NPHP1: variants seen among roughly 807,000 people sequenced by gnomAD.
NPHP1 encodes nephrocystin 1.
In NPHP1, 70 loss-of-function variants were observed where a neutral mutation model predicts 90.4. The observed-to-expected ratio is 0.77, with a 90% CI of 0.64 to 0.95. The LOEUF (loss-of-function observed/expected upper bound fraction) is 0.95. Among genes scored for constraint, NPHP1 ranks in the 40% least tolerant of loss-of-function variants. NPHP1 has a pLI of 0.00. For synonymous variants in NPHP1, 256 were observed against 271.7 expected (o/e 0.94, Z 0.57); for missense variants, 764 against 795.9 (o/e 0.96, Z 0.48).
chr2:110,193,413 C>T (rs151023916), intron 2 of NPHP1, among the ~76,000 whole-genome samples: 72,399 of 151,364 alleles, frequency 0.48, 20,229 homozygotes, highest in Non-Finnish European at 0.61. Context: ...ACAAAGAAGG[C>T]CATTACATAA....
At chr2:110,158,892 T>C (rs1438015163) in intron 11 of NPHP1, among the ~76,000 whole-genome samples, 1 of 150,282 alleles carries the variant, frequency 6.7e-6, no homozygotes, top group Non-Finnish European at 1.5e-5. Context: ...TTAAGTAAGA[T>C]AATGCTAGTT....
rs1248472353 is a variant in NPHP1 at position 110,179,654 on chromosome 2, T to G, written c.174A>C (p.Glu58Asp). 2 of 1,388,842 alleles carry G rather than the reference T, an allele frequency of 1.4e-6. No homozygotes were observed. Among genetic ancestry groups the G allele is most frequent in the South Asian group, 2.3e-5 (2 of 86,230 alleles). 86.0% of individuals were successfully genotyped at this position (1,388,842 alleles called of 1,614,324 possible). ...TTAATTTTTGAAGAGCATTTTTATT[T>G]TCATCTATTGCCTGCTTTAACTGGA... Reference protein sequence around the residue: ...RCIQLKQAIDENKNALQKLSK... With the variant: ...RCIQLKQAIDDNKNALQKLSK... Residue 58 changes from glutamate to aspartate, a missense_variant, in exon 3 of 20, where the codon GAA becomes GAC. Physicochemically the swap from Glu to Asp is conservative, Grantham distance 45. Coordinates refer to ENST00000445609, the MANE Select transcript of NPHP1 (RefSeq NM_001128178.3).
At chr2:110,190,211 C>T (rs1448489117) in intron 2 of NPHP1, among the ~76,000 whole-genome samples, 1 of 152,212 alleles carries the variant, frequency 6.6e-6, no homozygotes, top group Non-Finnish European at 1.5e-5. Flanking sequence ...GAGCTGCCTG[C>T]CAGTCCCACA....
Position 110,163,107 on chromosome 2 carries a change from G to GTA in NPHP1, c.798_799dup (p.Thr267IlefsTer45). The GTA allele has an allele frequency of 6.2e-7, 1 of 1,613,142 alleles. No individual in the cohort carries two copies. The highest frequency in any genetic ancestry group is 2.2e-5 in the East Asian group (1 of 44,870). Reference sequence around the variant, plus strand: ...GAACCCTGCAGGAATAGCTCCCATCGTAGTTAACACATCAACAGTGTTTAT... The same window carrying GTA: ...GAACCCTGCAGGAATAGCTCCCATCGTATAGTTAACACATCAACAGTGTTTAT... On this transcript the variant is annotated frameshift_variant, in exon 9 of 20. Coordinates refer to ENST00000445609, the MANE Select transcript of NPHP1 (RefSeq NM_001128178.3). LOFTEE classifies it high-confidence loss of function.
chr2:110,132,975 G>C (rs989566186), intron 16 of NPHP1, among the ~76,000 whole-genome samples: 79 of 152,084 alleles, frequency 5.2e-4, no homozygotes, highest in African/African-American at 1.8e-3. Context: ...AAGAAAATCA[G>C]TGAGGGAGGA....
rs544872762 is a variant in NPHP1 at position 110,136,558 on chromosome 2, G to A, written c.1530-4767C>T. Among the ~76,000 whole-genome samples, 13 of 152,172 alleles carry A rather than the reference G, an allele frequency of 8.5e-5. No homozygotes were observed. The East Asian group carries it at 2.5e-3, about 29-fold the overall frequency. On this transcript the variant is annotated intron_variant, in intron 16 of 19. Transcript: ENST00000445609. ...ACAAACAGAGAGCCAAATCATGAGT[G>A]AACTCCCATTCACAATTGCTACAAA...
intron 4 of NPHP1, among the ~76,000 whole-genome samples, chr2:110,176,757 C>G (rs1439906028): frequency 6.6e-6 from 1 of 152,150 alleles, no homozygotes; most frequent in Non-Finnish European, 1.5e-5. Flanking sequence ...GTGTCCTCTA[C>G]TAAATGCCTG....
intron 11 of NPHP1, 136 bp from the exon 12 acceptor site, chr2:110,150,392 T>C: frequency 1.3e-6 from 1 of 762,508 alleles, no homozygotes; most frequent in South Asian, 1.5e-5. Flanking sequence ...TTTTACTTCA[T>C]GTAATTCTGT....
At chr2:110,193,208 T>C (rs1034920502) in intron 2 of NPHP1, among the ~76,000 whole-genome samples, 1 of 151,984 alleles carries the variant, frequency 6.6e-6, no homozygotes, top group African/African-American at 2.4e-5. Flanking sequence ...AGACACAGAT[T>C]GGAAAATTGG....
intron 18 of NPHP1, chr2:110,128,320 G>A (rs1456452080): frequency 6.6e-6 from 1 of 151,844 alleles, no homozygotes; most frequent in African/African-American, 2.4e-5. Context: ...AAACCTTCCT[G>A]GGTTACCCAC....
chr2:110,126,271 T>C (rs1329199789), intron 18 of NPHP1: 1 of 161,552 alleles, frequency 6.2e-6, no homozygotes, highest in African/African-American at 2.4e-5. Flanking sequence ...GTGGGTGGAA[T>C]ATGACCAGTC....
chr2:110,148,128 G>A (rs527404570), intron 12 of NPHP1, 102 bp from the exon 13 acceptor site: 9 of 811,502 alleles, frequency 1.1e-5, no homozygotes, highest in Non-Finnish European at 1.9e-5. Flanking sequence ...ATGTTGAATT[G>A]TAATCCCAAT....
At chr2:110,134,099 A>T (rs1017209784) in intron 16 of NPHP1, among the ~76,000 whole-genome samples, 3 of 152,194 alleles carry the variant, frequency 2.0e-5, no homozygotes, top group East Asian at 3.9e-4. Context: ...GATGAACAAA[A>T]TTGACAAACC....
In NPHP1 at chr2:110,179,678, G is replaced by C. The variant is rs765357906; in HGVS notation, c.150C>G (p.Ile50Met). 1.5e-6 allele frequency: 2 copies of C among 1,306,634 alleles called. No homozygotes were observed. The highest frequency in any genetic ancestry group is 1.2e-5 in the South Asian group (1 of 84,052). The allele number at this position is 1,306,634 out of a possible 1,614,324, so 80.9% of individuals were successfully genotyped here. Residue 50 changes from isoleucine to methionine, a missense_variant, in exon 3 of 20, where the codon ATC becomes ATG. By Grantham distance (10) the Ile-to-Met change is conservative. Transcript: ENST00000445609. Reference sequence around the variant, plus strand: ...TTTCATCTATTGCCTGCTTTAACTGGATACATCTAAATTAAGAAAAAAAAG... The same window carrying C: ...TTTCATCTATTGCCTGCTTTAACTGCATACATCTAAATTAAGAAAAAAAAG... ...NKRQHIYQRCIQLKQAIDENK... is the reference protein window; with the variant it reads ...NKRQHIYQRCMQLKQAIDENK...
Position 110,189,416 on chromosome 2 carries a change from G to A in NPHP1, c.144-9732C>T, listed in dbSNP as rs552201214. Among the ~76,000 whole-genome samples, 13 of 152,122 alleles carry A rather than the reference G, an allele frequency of 8.5e-5. No individual in the cohort carries two copies. In the South Asian group the frequency reaches 2.7e-3, roughly 32 times the overall value. ...GGTGAGTGTTACAGCTCTTAAGGCGGCACGTCTGGAGTTGTTCATTCCTCC... is the reference window on the plus strand; with the variant it reads ...GGTGAGTGTTACAGCTCTTAAGGCGACACGTCTGGAGTTGTTCATTCCTCC... On this transcript the variant is annotated intron_variant, in intron 2 of 19. Coordinates refer to ENST00000445609, the MANE Select transcript of NPHP1 (RefSeq NM_001128178.3).
At chr2:110,165,915 A>G (rs1447100965) in intron 6 of NPHP1, among the ~76,000 whole-genome samples, 1 of 152,180 alleles carries the variant, frequency 6.6e-6, no homozygotes, top group Admixed American at 6.5e-5. Context: ...TCACACAAAT[A>G]CATAAAATAT....
intron 2 of NPHP1, chr2:110,184,123 C>A: frequency 5.4e-6 from 3 of 550,472 alleles, no homozygotes; most frequent in South Asian, 4.2e-5. Context: ...GTGATTAAAG[C>A]TGGTTTTGCT....
chr2:110,131,250 A>C (rs1367999815), intron 17 of NPHP1, among the ~76,000 whole-genome samples: 1 of 152,182 alleles, frequency 6.6e-6, no homozygotes, highest in Non-Finnish European at 1.5e-5. Context: ...CAAATACTCC[A>C]TATCTGGATT....
At chr2:110,152,385 G>C (rs1314680828) in intron 11 of NPHP1, among the ~76,000 whole-genome samples, 1 of 151,830 alleles carries the variant, frequency 6.6e-6, no homozygotes, top group African/African-American at 2.4e-5. Flanking sequence ...AGCAGTGATA[G>C]TTAAAAAGAC....
Sources: allele counts gnomAD v4.1 joint callset (sites outside exome capture counted in the v4.1 genomes callset), GRCh38; gene constraint gnomAD v4.1.1; transcripts MANE v1.5; gene names NCBI Gene and HGNC (gene_info 2026-07-23, HGNC 2026-07-21).